The following EMILIN2 variants were observed in gnomAD, a reference collection of about 807,000 sequenced individuals.
EMILIN2 encodes elastin microfibril interfacer 2, also known as EMILIN-2.
Under a neutral mutation model 87.1 loss-of-function variants are expected in EMILIN2, and 71 were observed. The ratio of observed to expected loss-of-function variants is 0.82; its 90% CI spans 0.67 to 0.99. The LOEUF (loss-of-function observed/expected upper bound fraction) is 0.99. EMILIN2 is among the 50% of genes least tolerant of loss of function. The pLI, the probability that EMILIN2 is intolerant of heterozygous loss-of-function variation, is 0.00. For synonymous variants in EMILIN2, 581 were observed against 563.4 expected (o/e 1.03, Z -0.44); for missense variants, 1,407 against 1,371.8 (o/e 1.03, Z -0.40).
chr18:2,865,933 C>G (rs1399832219), intron 2 of EMILIN2, among the ~76,000 whole-genome samples: 2 of 152,246 alleles, frequency 1.3e-5, no homozygotes, highest in Non-Finnish European at 2.9e-5. Context: ...CCCAGCCTCA[C>G]TGCCACCTTG....
rs1335038941 is a variant in EMILIN2 at position 2,891,822 on chromosome 18, A to C, written c.1695A>C (p.Glu565Asp). 3.7e-6 allele frequency: 6 copies of C among 1,614,252 alleles called. No homozygotes were observed. The East Asian group carries it at 1.1e-4, about 30-fold the overall frequency. ...TCCAGGGAAAGCCTCATGGGATGGAAGGTGCCTTGCCAAACAGGGAAGACC... is the reference window on the plus strand; with the variant it reads ...TCCAGGGAAAGCCTCATGGGATGGACGGTGCCTTGCCAAACAGGGAAGACC... Reference protein sequence around the residue: ...LNIQGKPHGMEGALPNREDRA... With the variant: ...LNIQGKPHGMDGALPNREDRA... Residue 565 changes from glutamate (E) to aspartate (D), a missense_variant, in exon 4 of 8, where the codon GAA becomes GAC. Glu to Asp is a conservative substitution (Grantham distance 45, BLOSUM62 2). Coordinates refer to ENST00000254528, the MANE Select transcript of EMILIN2 (RefSeq NM_032048.3). The surrounding 1 kb of genome is among the most constrained non-coding windows in gnomAD (Gnocchi z 4.6).
At chr18:2,899,081 T>TAA (rs56048908) in intron 4 of EMILIN2, among the ~76,000 whole-genome samples, 40,037 of 151,704 alleles carry the variant, frequency 0.26, 5,575 homozygotes, top group African/African-American at 0.33. Flanking sequence ...CTGGGATCTT[T>TAA]AAAAAAAACA....
At chr18:2,885,439 G>A (rs598866) in intron 3 of EMILIN2, among the ~76,000 whole-genome samples, 66,565 of 152,164 alleles carry the variant, frequency 0.44, 15,180 homozygotes, top group South Asian at 0.5. Context: ...GCACAGCTGT[G>A]AAGAGATTCA....
rs201007246 is a variant in EMILIN2, at chr18:2,913,256, C to A, written c.3014C>A (p.Pro1005Gln). 1.8e-5 allele frequency: 29 copies of A among 1,613,752 alleles called. No homozygotes were observed. The South Asian group carries it at 3.0e-4, about 16-fold the overall frequency. ...PPGALHTCGG[P>Q]GAFHLIVHLK... is the part of the protein sequence containing the mutation. Reference sequence around the variant, plus strand: ...GGAGCTTTGCATACCTGCGGGGGCCCGGGGGCATTCCACCTCATCGTGCAC... The same window carrying A: ...GGAGCTTTGCATACCTGCGGGGGCCAGGGGGCATTCCACCTCATCGTGCAC... The change falls in exon 8 of 8, where the codon CCG becomes CAG. Residue 1005 changes from proline (P) to glutamine (Q), a missense_variant. Coordinates refer to ENST00000254528, the MANE Select transcript of EMILIN2 (RefSeq NM_032048.3).
In EMILIN2 at chr18:2,848,286, G is replaced by T. The variant is rs1568447688; in HGVS notation, c.257+355G>T. Among the ~76,000 whole-genome samples, 1 of 152,164 alleles carries T rather than the reference G, an allele frequency of 6.6e-6. No individual in the cohort carries two copies. Among genetic ancestry groups the T allele is most frequent in the Non-Finnish European group, 1.5e-5 (1 of 68,024 alleles). On this transcript the variant is annotated intron_variant, in intron 2 of 7. Coordinates refer to ENST00000254528, the MANE Select transcript of EMILIN2 (RefSeq NM_032048.3). This position sits in a 1 kb window ranked among gnomAD's most constrained non-coding sequence, Gnocchi z 4.1. ...AATTGGATCCATATTGTGTGTTCTG[G>T]GGCACACAGAAGATTCCAAAATGTA...
At chr18:2,908,902 T>C (rs1297534752) in intron 5 of EMILIN2, 41 bp from the exon 6 acceptor site, 2 of 1,613,482 alleles carry the variant, frequency 1.2e-6, no homozygotes, top group African/African-American at 2.7e-5. Context: ...AGCTGGTGCT[T>C]AGGGTCTTGT....
intron 2 of EMILIN2, among the ~76,000 whole-genome samples, chr18:2,864,857 T>C (rs535369626): frequency 0.043 from 6,498 of 152,192 alleles, 455 homozygotes; most frequent in African/African-American, 0.15. Flanking sequence ...GGTACACCAA[T>C]CAGACGTAGA....
intron 2 of EMILIN2, among the ~76,000 whole-genome samples, chr18:2,863,287 C>T (rs201901568): frequency 1.3e-5 from 2 of 152,018 alleles, no homozygotes; most frequent in Non-Finnish European, 2.9e-5. Context: ...GCTCTTGCTT[C>T]TCTAGTTCTT....
chr18:2,858,539 A>G (rs1412729047), intron 2 of EMILIN2, among the ~76,000 whole-genome samples: 5 of 35,218 alleles, frequency 1.4e-4, no homozygotes, highest in African/African-American at 1.9e-4. Context: ...ATATATATAT[A>G]TATATATATA....
Position 2,915,838 on chromosome 18 carries a change from G to C in EMILIN2, c.*2434G>C, listed in dbSNP as rs1273658698. 1 of 152,122 alleles carries C rather than the reference G, an allele frequency of 6.6e-6. No homozygotes were observed. Among genetic ancestry groups the C allele is most frequent in the Non-Finnish European group, 1.5e-5 (1 of 68,058 alleles). The allele number at this position is 152,122 out of a possible 1,614,324, so 9.4% of individuals were successfully genotyped here. A position where few individuals can be genotyped will look rare whatever the true frequency, so the allele number is the denominator to read the frequency against. On this transcript the variant is annotated 3_prime_UTR_variant, in exon 8 of 8. Transcript: ENST00000254528. ...ACGCCCAGCCAAGTTCACAACTTCT[G>C]ATATCAAGTTGTTGCTGAGAAAAGG... is the stretch of plus-strand genomic sequence containing the variant.
At chr18:2,895,499 C>T (rs1412196095) in intron 4 of EMILIN2, among the ~76,000 whole-genome samples, 1 of 152,226 alleles carries the variant, frequency 6.6e-6, no homozygotes, top group Non-Finnish European at 1.5e-5. Context: ...AGGTCAGGAA[C>T]CCCGGCAGGG....
chr18:2,882,460 C>T (rs1320340506), intron 2 of EMILIN2, among the ~76,000 whole-genome samples: 1 of 152,188 alleles, frequency 6.6e-6, no homozygotes, highest in Non-Finnish European at 1.5e-5. Flanking sequence ...CCCTAAAGAT[C>T]AAGGCAAACA....
intron 2 of EMILIN2, among the ~76,000 whole-genome samples, chr18:2,873,717 AAT>A (rs1490269075): frequency 2.6e-5 from 4 of 152,124 alleles, no homozygotes; most frequent in African/African-American, 7.2e-5. Flanking sequence ...AAAATAAATA[AAT>A]AAATAAATAA....
intron 4 of EMILIN2, 73 bp downstream of exon 4, chr18:2,892,559 T>C (rs773079797): frequency 8.7e-6 from 13 of 1,496,026 alleles, no homozygotes; most frequent in Non-Finnish European, 1.2e-5. Context: ...AATAATTTTT[T>C]GTTCATTTTT....
chr18:2,858,698 C>T (rs2076645214), intron 2 of EMILIN2, among the ~76,000 whole-genome samples: 1 of 149,986 alleles, frequency 6.7e-6, no homozygotes, highest in Non-Finnish European at 1.5e-5. Context: ...TGCAGTGGCG[C>T]CATCTCGGCT....
Position 2,847,312 on chromosome 18 carries a change from G to T in EMILIN2, c.124G>T (p.Ala42Ser), listed in dbSNP as rs1035930067. Residue 42 changes from alanine (A) to serine (S), a missense_variant, in exon 1 of 8, where the codon GCC becomes TCC. Ala to Ser is a moderately conservative substitution (Grantham distance 99). Transcript: ENST00000254528. This position sits in a 1 kb window ranked among gnomAD's most constrained non-coding sequence, Gnocchi z 4.5. ...GCCCGGGTATCCCGCGCGGCCCAGC[G>T]CCAGGAACAAGTAAGTGCGCGCCCC... ...PQPGYPARPS[A>S]RNKNWCAYIV... 5 of 1,316,998 alleles carry T rather than the reference G, an allele frequency of 3.8e-6. No individual in the cohort carries two copies. The Admixed American group carries it at 1.6e-4, about 42-fold the overall frequency. 81.6% of individuals were successfully genotyped at this position (1,316,998 alleles called of 1,614,324 possible).
intron 2 of EMILIN2, among the ~76,000 whole-genome samples, chr18:2,858,555 A>ATGTGTGTGTGTG (rs1568454028): frequency 3.8e-5 from 2 of 52,302 alleles, no homozygotes; most frequent in African/African-American, 1.5e-4. Context: ...ATATATATAT[A>ATGTGTGTGTGTG]TATATATATA....
At chr18:2,851,641 G>A (rs1402878015) in intron 2 of EMILIN2, among the ~76,000 whole-genome samples, 2 of 152,166 alleles carry the variant, frequency 1.3e-5, no homozygotes, top group Non-Finnish European at 2.9e-5. Context: ...ACAGGCCGCA[G>A]GTGCCTTGTC....
rs1049170651 is a variant in EMILIN2, at chr18:2,907,059, G to A, written c.2636G>A (p.Gly879Asp). The change falls in exon 5 of 8, where the codon GGC (glycine) becomes GAC (aspartate). Residue 879 changes from glycine to aspartate, a missense_variant. Transcript: ENST00000254528. Reference protein sequence around the residue: ...DGQTGSGTVPGAEGFAGAPGY... With the variant: ...DGQTGSGTVPDAEGFAGAPGY... ...CAGACCGGGAGCGGCACCGTCCCCGGCGCAGAAGGCTTCGCGGGCGCACCA... is the reference window on the plus strand; with the variant it reads ...CAGACCGGGAGCGGCACCGTCCCCGACGCAGAAGGCTTCGCGGGCGCACCA... 74 of 1,258,444 alleles carry A rather than the reference G, an allele frequency of 5.9e-5. No homozygotes were observed. Among genetic ancestry groups the A allele is most frequent in the Non-Finnish European group, 7.3e-5 (73 of 1,004,794 alleles). The allele number at this position is 1,258,444 out of a possible 1,614,324, so 78.0% of individuals were successfully genotyped here. A position where few individuals can be genotyped will look rare whatever the true frequency, so the allele number is the denominator to read the frequency against.
Sources: allele counts gnomAD v4.1 joint callset (sites outside exome capture counted in the v4.1 genomes callset), GRCh38; gene constraint gnomAD v4.1.1; non-coding constraint Gnocchi (gnomAD v3.1); transcripts MANE v1.5; gene names NCBI Gene and HGNC (gene_info 2026-07-23, HGNC 2026-07-21).